SEMA5A: variants seen among roughly 807,000 people sequenced by gnomAD.
SEMA5A encodes semaphorin 5A.
Under a neutral mutation model 135.5 loss-of-function variants are expected in SEMA5A, and 55 were observed. The ratio of observed to expected loss-of-function variants is 0.41; its 90% CI spans 0.33 to 0.51. The LOEUF (loss-of-function observed/expected upper bound fraction) is 0.51, where lower values mean the gene tolerates loss of function less well. Among genes scored for constraint, SEMA5A ranks in the 20% least tolerant of loss-of-function variants. The probability of loss-of-function intolerance (pLI) is 0.37; values close to 1 mark genes in which losing one functional copy is unlikely to be tolerated. For synonymous variants in SEMA5A, 580 were observed against 546.5 expected, an observed-to-expected ratio of 1.06 and a Z score of -0.85; for missense variants, 1,290 against 1,419.9, an observed-to-expected ratio of 0.91 and a Z score of 1.47.
chr5:9,183,800 C>CT (rs1174931895), intron 11 of SEMA5A, among the ~76,000 whole-genome samples: 1 of 152,212 alleles, frequency 6.6e-6, no homozygotes, highest in Non-Finnish European at 1.5e-5. Flanking sequence ...TTCTGATTTT[C>CT]TTCTTTGGCT....
chr5:9,287,509 T>A (rs573744425), intron 5 of SEMA5A, among the ~76,000 whole-genome samples: 1 of 152,338 alleles, frequency 6.6e-6, no homozygotes, highest in South Asian at 2.1e-4. Context: ...AATATTTTAA[T>A]CTTATCCATT....
chr5:9,402,287 A>T (rs1349871906), intron 2 of SEMA5A, among the ~76,000 whole-genome samples: 1 of 152,206 alleles, frequency 6.6e-6, no homozygotes, highest in Admixed American at 6.5e-5. Context: ...GCAAAAGTGG[A>T]GTGTCTCAAC....
intron 12 of SEMA5A, among the ~76,000 whole-genome samples, chr5:9,148,071 T>G (rs1451442165): frequency 6.6e-6 from 1 of 152,134 alleles, no homozygotes; most frequent in Non-Finnish European, 1.5e-5. Context: ...TGTTCTATGA[T>G]AAAAGATTAA....
intron 2 of SEMA5A, among the ~76,000 whole-genome samples, chr5:9,428,086 G>GTGTA (rs1561244994): frequency 4.5e-5 from 1 of 22,440 alleles, no homozygotes; most frequent in Admixed American, 2.1e-4. Context: ...ATATATGTGT[G>GTGTA]TGTATATATA....
At position 9,042,817 on chromosome 5, in the gene SEMA5A, A is replaced by G. The variant is rs1736033585; in HGVS notation, c.*80T>C. 6.5e-7 allele frequency: 1 copy of G among 1,542,948 alleles called. No individual in the cohort carries two copies. The highest frequency in any genetic ancestry group is 8.9e-7 in the Non-Finnish European group (1 of 1,123,528). ...AAATGTATCCAAACTTCGACTCTGA[A>G]GCCTCAGAAACATGGGCAGTCATGG... On this transcript the variant is annotated 3_prime_UTR_variant, in exon 23 of 23. Coordinates refer to ENST00000382496, the MANE Select transcript of SEMA5A (RefSeq NM_003966.3).
At chr5:9,143,456 CTTAATA>C (rs1742171970) in intron 12 of SEMA5A, among the ~76,000 whole-genome samples, 1 of 152,158 alleles carries the variant, frequency 6.6e-6, no homozygotes, top group Non-Finnish European at 1.5e-5. Flanking sequence ...TCATTTTGCA[CTTAATA>C]TTAAATTTAA....
At chr5:9,543,128 G>A (rs1314861528) in intron 1 of SEMA5A, among the ~76,000 whole-genome samples, 3 of 152,188 alleles carry the variant, frequency 2.0e-5, no homozygotes, top group East Asian at 3.8e-4. Context: ...CCAAAGAGCT[G>A]GCATCTGTTA....
At chr5:9,093,620 T>C (rs999244914) in intron 16 of SEMA5A, among the ~76,000 whole-genome samples, 2 of 151,836 alleles carry the variant, frequency 1.3e-5, no homozygotes, top group African/African-American at 4.8e-5. Flanking sequence ...GGCAGGAGAA[T>C]CGGTTGAGCT....
intron 16 of SEMA5A, among the ~76,000 whole-genome samples, chr5:9,077,895 G>A (rs570289859): frequency 3.3e-5 from 5 of 152,302 alleles, no homozygotes; most frequent in African/African-American, 9.6e-5. Context: ...ATATATGTGC[G>A]TGTACGTACA....
chr5:9,241,765 C>T (rs1198297106), intron 5 of SEMA5A, among the ~76,000 whole-genome samples: 1 of 152,030 alleles, frequency 6.6e-6, no homozygotes, highest in Non-Finnish European at 1.5e-5. Flanking sequence ...GAGATTGGCT[C>T]TTTTTATGTA....
chr5:9,209,132 C>T (rs1447714265), intron 8 of SEMA5A, among the ~76,000 whole-genome samples: 4 of 152,172 alleles, frequency 2.6e-5, no homozygotes, highest in South Asian at 2.1e-4. Flanking sequence ...TTCTTCACAC[C>T]GCCCTACAAG....
intron 1 of SEMA5A, among the ~76,000 whole-genome samples, chr5:9,448,309 TC>T (rs1467095658): frequency 6.6e-6 from 1 of 152,206 alleles, no homozygotes; most frequent in African/African-American, 2.4e-5. Context: ...GGATGTCCAC[TC>T]TGTGGAACTA....
At chr5:9,448,295 C>T (rs1242518518) in intron 1 of SEMA5A, among the ~76,000 whole-genome samples, 1 of 152,234 alleles carries the variant, frequency 6.6e-6, no homozygotes, top group Admixed American at 6.5e-5. Context: ...TGCCAACATT[C>T]AATGGATGTC....
At chr5:9,427,611 C>T (rs1757705623) in intron 2 of SEMA5A, among the ~76,000 whole-genome samples, 1 of 152,146 alleles carries the variant, frequency 6.6e-6, no homozygotes, top group Admixed American at 6.5e-5. Flanking sequence ...AACTGCTGCT[C>T]ACAGCTGGGA....
chr5:9,239,025 G>A (rs1044974371), intron 5 of SEMA5A, among the ~76,000 whole-genome samples: 2 of 152,082 alleles, frequency 1.3e-5, no homozygotes, highest in African/African-American at 4.8e-5. Flanking sequence ...CCAAACTTGG[G>A]AGAATAACAA....
rs1737270453 is a variant in SEMA5A, at chr5:9,063,039, G to A, written c.2366C>T (p.Ala789Val). 3 of 1,614,216 alleles carry A rather than the reference G, an allele frequency of 1.9e-6. No individual in the cohort carries two copies. The highest frequency in any genetic ancestry group is 2.7e-5 in the African/African-American group (2 of 75,072). ...GCTGCACTGTGACCACGACGTCCAG[G>A]CTGACCAAGCCCCGTTGACCGTGTG... is the stretch of plus-strand genomic sequence containing the variant. Reference protein sequence around the residue: ...SAHTVNGAWSAWTSWSQCSRD... With the variant: ...SAHTVNGAWSVWTSWSQCSRD... The change falls in exon 18 of 23, where the codon GCC becomes GTC. Residue 789 changes from alanine (A) to valine (V), a missense_variant. By Grantham distance (64) the Ala-to-Val change is moderately conservative. Transcript: ENST00000382496.
rs1806117 is a variant in SEMA5A at position 9,197,252 on chromosome 5, C to A, written c.984G>T (p.Ala328=). ...AVCVFNLSAI[A]QAFSGPFKYQ... ...ACTTGAAGGGCCCAGAGAAGGCCTG[C>A]GCGATGGCGCTCAGGTTGAAGACGC... Residue 328 remains alanine, a synonymous_variant, in exon 10 of 23, where the codon GCG becomes GCT. Coordinates refer to ENST00000382496, the MANE Select transcript of SEMA5A (RefSeq NM_003966.3). The A allele has an allele frequency of 1.3e-5, 21 of 1,614,042 alleles. No individual in the cohort carries two copies. The highest frequency in any genetic ancestry group is 6.7e-5 in the African/African-American group (5 of 74,934).
At chr5:9,423,275 G>A (rs1040137387) in intron 2 of SEMA5A, among the ~76,000 whole-genome samples, 1 of 152,162 alleles carries the variant, frequency 6.6e-6, no homozygotes, top group Admixed American at 6.5e-5. Context: ...AGATATTTTG[G>A]ATTACTTATA....
intron 11 of SEMA5A, among the ~76,000 whole-genome samples, chr5:9,185,877 C>T (rs1011694272): frequency 6.6e-6 from 1 of 152,138 alleles, no homozygotes; most frequent in African/African-American, 2.4e-5. Context: ...GTGGAAAAAG[C>T]CCAGAGCGGC....
Sources: gnomAD v4.1 joint callset for allele counts (sites outside exome capture counted in the v4.1 genomes callset) on GRCh38, gnomAD v4.1.1 for gene constraint, MANE v1.5 for transcripts, NCBI Gene and HGNC (gene_info 2026-07-23, HGNC 2026-07-21) for gene names.